The following PAQR9 variants were observed in gnomAD, a reference collection of about 807,000 sequenced individuals.
The protein encoded by PAQR9 is membrane progestin receptor epsilon.
A neutral mutation model predicts 24.0 loss-of-function variants in PAQR9; 12 were observed. That is an observed-to-expected ratio of 0.50 (90% confidence interval 0.32 to 0.81). The LOEUF (loss-of-function observed/expected upper bound fraction) is 0.81. Among genes scored for constraint, PAQR9 ranks in the 30% least tolerant of loss-of-function variants. The pLI, the probability that PAQR9 is intolerant of heterozygous loss-of-function variation, is 0.03. For missense variants in PAQR9, 418 were observed against 520.8 expected, an observed-to-expected ratio of 0.80 and a Z score of 1.92; for synonymous variants, 266 against 237.6, an observed-to-expected ratio of 1.12 and a Z score of -1.10.
At chr3:142,951,917 G>A, downstream of PAQR9, 1 of 378,332 alleles carries the variant, frequency 2.6e-6, no homozygotes, top group Non-Finnish European at 5.1e-6. Context: ...GGAGGCTGAT[G>A]GAAATCTTAG....
upstream of PAQR9, chr3:142,963,781 G>T: frequency 1.0e-6 from 1 of 976,028 alleles, no homozygotes; most frequent in Non-Finnish European, 1.2e-6. Context: ...GAGGAAGGGC[G>T]GGGGCCTCCC....
rs1174061609 is a variant in PAQR9 at position 142,958,666 on chromosome 3, G to A, written c.*3537C>T. ...CCTATGAAGTATCACTATAAATTAG[G>A]CTAAATTGTTTTTTGACTGCAAGCA... is the stretch of plus-strand genomic sequence containing the variant. On this transcript the variant is annotated 3_prime_UTR_variant, in exon 1 of 1. Transcript: ENST00000340634. Among the ~76,000 whole-genome samples the A allele has an allele frequency of 1.3e-5, 2 of 152,136 alleles. No individual in the cohort carries two copies. Among genetic ancestry groups the A allele is most frequent in the Non-Finnish European group, 2.9e-5 (2 of 68,032 alleles).
In PAQR9 at chr3:142,958,212, T is replaced by C. The variant is rs2108240825; in HGVS notation, c.*3991A>G. ...ACCATTTTAAGTGGCTGATAACATT[T>C]TGTTTGAGATATTTTGATCTAATTT... On this transcript the variant is annotated 3_prime_UTR_variant, in exon 1 of 1. Transcript: ENST00000340634. Among the ~76,000 whole-genome samples, 1 of 152,320 alleles carries C rather than the reference T, an allele frequency of 6.6e-6. No individual in the cohort carries two copies. Among genetic ancestry groups the C allele is most frequent in the Non-Finnish European group, 1.5e-5 (1 of 68,020 alleles).
chr3:142,952,920 G>T, downstream of PAQR9: 1 of 454,588 alleles, frequency 2.2e-6, no homozygotes, highest in Non-Finnish European at 4.4e-6. Flanking sequence ...GGGAAGTATG[G>T]GAACGTGAAT....
Position 142,963,550 on chromosome 3 carries a change from G to A in PAQR9, c.-214C>T. 1.0e-6 allele frequency: 1 copy of A among 979,602 alleles called. No individual in the cohort carries two copies. Among genetic ancestry groups the A allele is most frequent in the Non-Finnish European group, 1.2e-6 (1 of 823,494 alleles). 60.7% of individuals were successfully genotyped at this position (979,602 alleles called of 1,614,324 possible). A position where few individuals can be genotyped will look rare whatever the true frequency, so the allele number is the denominator to read the frequency against. ...TTAATAGGCAGCGCTGCGACCGCCAGGAGCGCGGAGCGCGCGAGGCTCAGC... is the reference window on the plus strand; with the variant it reads ...TTAATAGGCAGCGCTGCGACCGCCAAGAGCGCGGAGCGCGCGAGGCTCAGC... On this transcript the variant is annotated 5_prime_UTR_variant, in exon 1 of 1. Transcript: ENST00000340634.
upstream of PAQR9, chr3:142,963,879 C>G: frequency 2.0e-6 from 2 of 985,286 alleles, no homozygotes; most frequent in Non-Finnish European, 2.4e-6. Flanking sequence ...CGCCGCAGCC[C>G]GGGCCGCCCC....
chr3:142,963,872 C>T (rs1033295093), upstream of PAQR9: 1 of 985,194 alleles, frequency 1.0e-6, no homozygotes, highest in East Asian at 1.1e-4. Flanking sequence ...CTCGGGCCGC[C>T]GCAGCCCGGG....
chr3:142,962,179 A>G lies in PAQR9; in HGVS notation c.*24T>C. ...GAAACTCCAAACAGATGGGCGAACCAGTAGTCTCCTCCAAGGCGGAGGCTC... is the reference window on the plus strand; with the variant it reads ...GAAACTCCAAACAGATGGGCGAACCGGTAGTCTCCTCCAAGGCGGAGGCTC... On this transcript the variant is annotated 3_prime_UTR_variant, in exon 1 of 1. Coordinates refer to ENST00000340634, the MANE Select transcript of PAQR9 (RefSeq NM_198504.4). 1 of 1,602,824 alleles carries G rather than the reference A, an allele frequency of 6.2e-7. No individual in the cohort carries two copies. Among genetic ancestry groups the G allele is most frequent in the South Asian group, 1.1e-5 (1 of 90,544 alleles).
In PAQR9 at chr3:142,963,512, A is replaced by G. The variant is rs1344548236; in HGVS notation, c.-176T>C. ...CCGCTCCTAAAAATTAAATAAATCA[A>G]TAAGAGAATCAATTAATAGGCAGCG... On this transcript the variant is annotated 5_prime_UTR_variant, in exon 1 of 1. Transcript: ENST00000340634. The G allele has an allele frequency of 4.9e-6, 5 of 1,016,590 alleles. No individual in the cohort carries two copies. The highest frequency in any genetic ancestry group is 4.6e-5 in the South Asian group (1 of 21,594). 63.0% of individuals were successfully genotyped at this position (1,016,590 alleles called of 1,614,324 possible). A position where few individuals can be genotyped will look rare whatever the true frequency, so the allele number is the denominator to read the frequency against.
Position 142,963,116 on chromosome 3 carries a change from A to C in PAQR9, c.221T>G (p.Leu74Arg), listed in dbSNP as rs762122379. 6.2e-7 allele frequency: 1 copy of C among 1,613,544 alleles called. No homozygotes were observed. The highest frequency in any genetic ancestry group is 8.5e-7 in the Non-Finnish European group (1 of 1,179,762). ...RRLPCTAQECLASVLKPTNET... is the reference protein window; with the variant it reads ...RRLPCTAQECRASVLKPTNET... ...GTTGGTAGGCTTCAGCACCGAGGCTAGGCACTCCTGGGCCGTGCACGGCAG... is the reference window on the plus strand; with the variant it reads ...GTTGGTAGGCTTCAGCACCGAGGCTCGGCACTCCTGGGCCGTGCACGGCAG... The change falls in exon 1 of 1, where the codon CTA becomes CGA. Residue 74 changes from leucine (L) to arginine (R), a missense_variant. Physicochemically the swap from Leu to Arg is moderately radical, Grantham distance 102 (BLOSUM62 -2). Around this residue, in one of 3 missense-constraint regions of PAQR9, gnomAD observed 180 missense variants for 190.3 expected, o/e 0.95. Transcript: ENST00000340634.
rs749824750 is a variant in PAQR9, at chr3:142,962,266, C to T, written c.1071G>A (p.Val357=). Residue 357 remains valine, a synonymous_variant, in exon 1 of 1, where the codon GTG becomes GTA. Transcript: ENST00000340634. ...SGTVGYMLLL[V]VCLGLVIRKF... is the part of the protein sequence containing the mutation. Reference sequence around the variant, plus strand: ...TCCTGATTACCAGCCCCAGGCAGACCACCAGCAGCAGCATGTAGCCCACAG... The same window carrying T: ...TCCTGATTACCAGCCCCAGGCAGACTACCAGCAGCAGCATGTAGCCCACAG... 2 of 1,614,142 alleles carry T rather than the reference C, an allele frequency of 1.2e-6. No homozygotes were observed. The highest frequency in any genetic ancestry group is 2.7e-5 in the African/African-American group (2 of 75,058).
At chr3:142,963,848 G>A (rs1934972477), upstream of PAQR9, 2 of 985,128 alleles carry the variant, frequency 2.0e-6, no homozygotes, top group Non-Finnish European at 2.4e-6. Flanking sequence ...CTCGAGTTCC[G>A]TACCATCCCC....
At position 142,963,594 on chromosome 3, in the gene PAQR9, C is replaced by T. The variant is rs1267826271; in HGVS notation, c.-258G>A. ...GCTCAGCGGCTTCCTCGCCAAGCCC[C>T]TGCTACCGGCGCGCGGCCGCCCGCG... On this transcript the variant is annotated 5_prime_UTR_variant, in exon 1 of 1. Coordinates refer to ENST00000340634, the MANE Select transcript of PAQR9 (RefSeq NM_198504.4). 3.4e-6 allele frequency: 3 copies of T among 874,306 alleles called. No individual in the cohort carries two copies. The highest frequency in any genetic ancestry group is 1.8e-5 in the African/African-American group (1 of 54,720). 54.2% of individuals were successfully genotyped at this position (874,306 alleles called of 1,614,324 possible).
rs1397068618 is a variant in PAQR9 at position 142,962,314 on chromosome 3, A to C, written c.1023T>G (p.Pro341=). The change falls in exon 1 of 1, where the codon CCT becomes CCG. Residue 341 remains proline, a synonymous_variant. Transcript: ENST00000340634. ...CAGTACCCGAGAAAGTGGGTGCGGC[A>C]GGCGGCGCCTGGAGGAACTGGCGCA... ...EGLRQFLQAP[P]AAPTFSGTVG... The C allele has an allele frequency of 1.2e-6, 2 of 1,614,028 alleles. No individual in the cohort carries two copies. Among genetic ancestry groups the C allele is most frequent in the Non-Finnish European group, 1.7e-6 (2 of 1,180,042 alleles).
chr3:142,960,325 GT>G lies in PAQR9; in HGVS notation c.*1877del, dbSNP rs1278508444. 6.6e-6 allele frequency: 1 copy of G among 152,206 alleles called. No individual in the cohort carries two copies. The highest frequency in any genetic ancestry group is 3.2e-3 in the Middle Eastern group (1 of 316). 9.4% of individuals were successfully genotyped at this position (152,206 alleles called of 1,614,324 possible). On this transcript the variant is annotated 3_prime_UTR_variant, in exon 1 of 1. Transcript: ENST00000340634. ...GAAGTGCCAGCCTACCAGTGCTGAG[GT>G]AAGTGTTCATCTACCTCATATGCAT...
chr3:142,951,639 AG>A, downstream of PAQR9: 3 of 451,730 alleles, frequency 6.6e-6, no homozygotes, highest in South Asian at 4.7e-5. Flanking sequence ...AGTGGACTCA[AG>A]GTTTTCTGAA....
chr3:142,962,723 A>C lies in PAQR9; in HGVS notation c.614T>G (p.Leu205Arg). 2 of 1,612,556 alleles carry C rather than the reference A, an allele frequency of 1.2e-6. No individual in the cohort carries two copies. Among genetic ancestry groups the C allele is most frequent in the Non-Finnish European group, 1.7e-6 (2 of 1,179,658 alleles). The change falls in exon 1 of 1, where the codon CTT becomes CGT. Residue 205 changes from leucine to arginine, a missense_variant. Physicochemically the swap from Leu to Arg is moderately radical, Grantham distance 102. Around this residue, in one of 3 missense-constraint regions of PAQR9, gnomAD observed 230 missense variants for 305.2 expected, o/e 0.75. Transcript: ENST00000340634. Reference protein sequence around the residue: ...RLGWHVDCTRLIAAYRALVLP... With the variant: ...RLGWHVDCTRRIAAYRALVLP... ...CACCAGGGCGCGGTAGGCGGCGATA[A>C]GGCGCGTGCAGTCCACGTGCCAGCC...
chr3:142,952,623 A>G (rs1934731288), downstream of PAQR9, among the ~76,000 whole-genome samples: 1 of 152,228 alleles, frequency 6.6e-6, no homozygotes, highest in African/African-American at 2.4e-5. Flanking sequence ...CCTCAAGCAC[A>G]GTTTGATCAA....
rs1029358624 is a variant in PAQR9 at position 142,961,652 on chromosome 3, A to G, written c.*551T>C. 3.8e-5 allele frequency: 6 copies of G among 157,584 alleles called. No homozygotes were observed. Among genetic ancestry groups the G allele is most frequent in the African/African-American group, 1.4e-4 (6 of 41,476 alleles). 9.8% of individuals were successfully genotyped at this position (157,584 alleles called of 1,614,324 possible). A position where few individuals can be genotyped will look rare whatever the true frequency, so the allele number is the denominator to read the frequency against. Reference sequence around the variant, plus strand: ...TTACTATTTAAATAACATCTGAAAAACATTTTGAAATAATTAACTTGTGTT... The same window carrying G: ...TTACTATTTAAATAACATCTGAAAAGCATTTTGAAATAATTAACTTGTGTT... On this transcript the variant is annotated 3_prime_UTR_variant, in exon 1 of 1. Coordinates refer to ENST00000340634, the MANE Select transcript of PAQR9 (RefSeq NM_198504.4).
Sources: allele counts gnomAD v4.1 joint callset (sites outside exome capture counted in the v4.1 genomes callset), GRCh38; gene constraint gnomAD v4.1.1; regional missense constraint gnomAD v4.1.1; transcripts MANE v1.5; gene names NCBI Gene and HGNC (gene_info 2026-07-23, HGNC 2026-07-21).